The following THRB variants were observed in gnomAD, a reference collection of about 807,000 sequenced individuals.
THRB encodes the protein nuclear receptor subfamily 1 group A member 2.
THRB carries 12 observed loss-of-function variants against 47.8 expected under a neutral mutation model. That is an observed-to-expected ratio of 0.25 (90% CI 0.16 to 0.41). The LOEUF is 0.41. THRB is among the 10% of genes least tolerant of loss of function. THRB has a pLI of 1.00. For synonymous variants in THRB, 218 were observed against 212.2 expected (o/e 1.03, Z -0.24); for missense variants, 348 against 589.2 (o/e 0.59, Z 4.24).
rs2053014370 is a variant in THRB, at chr3:24,269,324, T to TAA, written c.-43+27901_-43+27902insTT. On this transcript the variant is annotated intron_variant, in intron 3 of 10. Coordinates refer to ENST00000646209, the MANE Select transcript of THRB (RefSeq NM_001354712.2). ...ACACACACACACACACACACACACGTTATCTTTGCTCTGTTGTCCAGGCTG... is the reference window on the plus strand; with the variant it reads ...ACACACACACACACACACACACACGTAATATCTTTGCTCTGTTGTCCAGGCTG... 6.5e-5 allele frequency among the ~76,000 whole-genome samples: 7 copies of TAA among 107,054 alleles called. 1 individual carries two copies. The South Asian group carries it at 2.0e-3, about 31-fold the overall frequency. 70.2% of individuals were successfully genotyped at this position (107,054 alleles called of 152,430 possible).
chr3:24,160,163 C>G (rs541804277), intron 5 of THRB, among the ~76,000 whole-genome samples: 1 of 152,242 alleles, frequency 6.6e-6, no homozygotes, highest in South Asian at 2.1e-4. Flanking sequence ...AGAAAGCATA[C>G]TGGTTCAGGG....
At chr3:24,486,182 C>A (rs1697261354) in intron 1 of THRB, among the ~76,000 whole-genome samples, 1 of 152,126 alleles carries the variant, frequency 6.6e-6, no homozygotes, top group East Asian at 1.9e-4. Context: ...TGCTAAACAT[C>A]CTGTAATATA....
At chr3:24,237,519 T>C (rs2048993684) in intron 3 of THRB, among the ~76,000 whole-genome samples, 1 of 152,164 alleles carries the variant, frequency 6.6e-6, no homozygotes, top group African/African-American at 2.4e-5. Flanking sequence ...GGCCAAATCA[T>C]TGTCCTCTTC....
At chr3:24,291,413 T>G (rs1370037212) in intron 3 of THRB, among the ~76,000 whole-genome samples, 2 of 152,188 alleles carry the variant, frequency 1.3e-5, no homozygotes, top group Non-Finnish European at 1.5e-5. Flanking sequence ...TATTGTCCAT[T>G]GTCCCTTGGC....
chr3:24,265,542 G>A (rs1265517736), intron 3 of THRB, among the ~76,000 whole-genome samples: 3 of 152,004 alleles, frequency 2.0e-5, no homozygotes, highest in Non-Finnish European at 4.4e-5. Context: ...CTACTTATAT[G>A]GTACTGTATA....
At chr3:24,176,346 G>T (rs2041149963) in intron 5 of THRB, among the ~76,000 whole-genome samples, 1 of 152,058 alleles carries the variant, frequency 6.6e-6, no homozygotes, top group Non-Finnish European at 1.5e-5. Context: ...TGTTTAAGTG[G>T]AATAATTTTG....
chr3:24,296,894 G>C (rs1490351061), intron 3 of THRB, among the ~76,000 whole-genome samples: 1 of 152,194 alleles, frequency 6.6e-6, no homozygotes, highest in African/African-American at 2.4e-5. Context: ...CCTTTAGCAA[G>C]GTGATTTCTC....
intron 1 of THRB, among the ~76,000 whole-genome samples, chr3:24,418,782 T>G (rs1162026511): frequency 6.6e-6 from 1 of 151,968 alleles, no homozygotes; most frequent in Non-Finnish European, 1.5e-5. Context: ...ATGTTTTTCA[T>G]GTACATAGGG....
At chr3:24,235,106 A>C (rs1051690436) in intron 3 of THRB, among the ~76,000 whole-genome samples, 3 of 152,170 alleles carry the variant, frequency 2.0e-5, no homozygotes, top group Non-Finnish European at 4.4e-5. Flanking sequence ...TTGATGCAAA[A>C]GCAATTGCAG....
At chr3:24,347,374 CA>C (rs1040872564) in intron 1 of THRB, among the ~76,000 whole-genome samples, 2 of 151,510 alleles carry the variant, frequency 1.3e-5, no homozygotes, top group African/African-American at 4.8e-5. Context: ...TTAGGGTCAA[CA>C]AAAGTGGAAA....
intron 1 of THRB, among the ~76,000 whole-genome samples, chr3:24,476,979 T>C (rs114120839): frequency 0.021 from 3,124 of 151,346 alleles, 125 homozygotes; most frequent in African/African-American, 0.072. Context: ...AAAAGAGACA[T>C]TGGGTATTTA....
chr3:24,382,477 T>C (rs1367714868), intron 1 of THRB, among the ~76,000 whole-genome samples: 1 of 152,060 alleles, frequency 6.6e-6, no homozygotes, highest in Non-Finnish European at 1.5e-5. Flanking sequence ...AAGTTATCGA[T>C]GGAATAGGAA....
chr3:24,398,323 A>G (rs2067127853), intron 1 of THRB, among the ~76,000 whole-genome samples: 1 of 152,198 alleles, frequency 6.6e-6, no homozygotes, highest in African/African-American at 2.4e-5. Context: ...AACTTTTGCA[A>G]TCTACTCATC....
intron 5 of THRB, among the ~76,000 whole-genome samples, chr3:24,159,171 C>T (rs1202259027): frequency 1.3e-5 from 2 of 152,188 alleles, no homozygotes; most frequent in Non-Finnish European, 2.9e-5. Flanking sequence ...GGTTATAGCT[C>T]TAAAAATGTG....
At chr3:24,213,269 C>T (rs1409940966) in intron 4 of THRB, among the ~76,000 whole-genome samples, 1 of 152,106 alleles carries the variant, frequency 6.6e-6, no homozygotes, top group Non-Finnish European at 1.5e-5. Flanking sequence ...TGTTCAAAAG[C>T]CTTTATTTAG....
intron 1 of THRB, among the ~76,000 whole-genome samples, chr3:24,350,185 C>T (rs1326575594): frequency 6.6e-6 from 1 of 151,952 alleles, no homozygotes; most frequent in African/African-American, 2.4e-5. Flanking sequence ...TACACGTCCA[C>T]CAGAATGGCT....
intron 1 of THRB, among the ~76,000 whole-genome samples, chr3:24,340,769 C>T (rs563828024): frequency 2.0e-5 from 3 of 152,246 alleles, no homozygotes; most frequent in South Asian, 2.1e-4. Flanking sequence ...TTTATGTCTA[C>T]GTCTGAAAGT....
chr3:24,173,923 C>G (rs9310730), intron 5 of THRB, among the ~76,000 whole-genome samples: 48,814 of 152,058 alleles, frequency 0.32, 8,096 homozygotes, highest in South Asian at 0.37. Flanking sequence ...CATACCAATT[C>G]TAAACTCAGT....
At chr3:24,431,264 A>T (rs60862138) in intron 1 of THRB, among the ~76,000 whole-genome samples, 4,936 of 35,970 alleles carry the variant, frequency 0.14, 112 homozygotes, top group Non-Finnish European at 0.21. Flanking sequence ...CTCTCTCTAC[A>T]CACACACACA....
Sources: gnomAD v4.1 joint callset for allele counts (sites outside exome capture counted in the v4.1 genomes callset) on GRCh38, gnomAD v4.1.1 for gene constraint, MANE v1.5 for transcripts, NCBI Gene and HGNC (gene_info 2026-07-23, HGNC 2026-07-21) for gene names.